ATG10: variants seen among roughly 807,000 people sequenced by gnomAD.
ATG10 encodes ubiquitin-like-conjugating enzyme ATG10.
In ATG10, 30 loss-of-function variants were observed where a neutral mutation model predicts 32.1. The observed-to-expected ratio is 0.94, with a 90% confidence interval of 0.70 to 1.27. ATG10 has a LOEUF of 1.27. ATG10 is among the 50% of genes most tolerant of loss of function. The probability of loss-of-function intolerance (pLI) is 0.00; values close to 1 mark genes in which losing one functional copy is unlikely to be tolerated. For missense variants in ATG10, 233 were observed against 262.3 expected (o/e 0.89, Z 0.77); for synonymous variants, 87 against 91.5 (o/e 0.95, Z 0.28).
At chr5:82,222,630 A>AT (rs1745975414) in intron 5 of ATG10, among the ~76,000 whole-genome samples, 1 of 152,172 alleles carries the variant, frequency 6.6e-6, no homozygotes. Flanking sequence ...TCATATATGT[A>AT]TTTTTTGCCA....
At chr5:82,136,560 C>G (rs1173485814) in intron 3 of ATG10, among the ~76,000 whole-genome samples, 1 of 152,204 alleles carries the variant, frequency 6.6e-6, no homozygotes, top group Non-Finnish European at 1.5e-5. Flanking sequence ...GGTCCCTACT[C>G]TCTTCTGGCT....
intron 5 of ATG10, among the ~76,000 whole-genome samples, chr5:82,210,768 A>G (rs1251259265): frequency 6.6e-6 from 1 of 152,170 alleles, no homozygotes; most frequent in East Asian, 1.9e-4. Context: ...CCCCACCTCA[A>G]GGCACTGAGT....
chr5:81,983,396 C>T (rs1761127825), intron 1 of ATG10, among the ~76,000 whole-genome samples: 1 of 144,502 alleles, frequency 6.9e-6, no homozygotes, highest in South Asian at 2.2e-4. Flanking sequence ...GACGGGGTGG[C>T]TGGCCAGGCG....
At chr5:82,088,908 T>C (rs1764784728) in intron 3 of ATG10, among the ~76,000 whole-genome samples, 1 of 152,180 alleles carries the variant, frequency 6.6e-6, no homozygotes, top group Non-Finnish European at 1.5e-5. Flanking sequence ...TCTAATAAAA[T>C]TCATTGTAGA....
At chr5:82,141,566 C>T (rs1581735960) in intron 3 of ATG10, among the ~76,000 whole-genome samples, 1 of 151,378 alleles carries the variant, frequency 6.6e-6, no homozygotes, top group Admixed American at 6.6e-5. Context: ...TCATAATATA[C>T]CCAGAAAAGA....
chr5:82,024,079 CAT>C (rs141802186), intron 2 of ATG10, among the ~76,000 whole-genome samples: 1,797 of 152,258 alleles, frequency 0.012, 25 homozygotes, highest in African/African-American at 0.042. Flanking sequence ...AAGTAAAAGA[CAT>C]ATATGAGACT....
intron 3 of ATG10, among the ~76,000 whole-genome samples, chr5:82,091,309 A>G (rs1050944847): frequency 2.0e-5 from 3 of 152,104 alleles, no homozygotes; most frequent in African/African-American, 4.8e-5. Context: ...GCTTCAAGCA[A>G]TCCTCCTGCC....
At chr5:82,135,495 A>G (rs889051590) in intron 3 of ATG10, among the ~76,000 whole-genome samples, 1 of 152,226 alleles carries the variant, frequency 6.6e-6, no homozygotes, top group Non-Finnish European at 1.5e-5. Context: ...CCCAGTGGTC[A>G]TTCAGGAACA....
At chr5:81,974,242 T>C (rs1253515980) in intron 1 of ATG10, among the ~76,000 whole-genome samples, 4 of 152,112 alleles carry the variant, frequency 2.6e-5, no homozygotes, top group Non-Finnish European at 2.9e-5. Flanking sequence ...CATTTGGTGA[T>C]TATCTATTGA....
intron 2 of ATG10, among the ~76,000 whole-genome samples, chr5:82,038,362 G>A (rs1447562544): frequency 6.6e-6 from 1 of 152,216 alleles, no homozygotes; most frequent in Non-Finnish European, 1.5e-5. Flanking sequence ...TGGCCCCATA[G>A]TGTTTACTAC....
chr5:82,160,118 A>G lies in ATG10; in HGVS notation c.217-4281A>G, dbSNP rs1458363722. On this transcript the variant is annotated intron_variant, in intron 3 of 7. Transcript: ENST00000282185. ...TGTGTAGGCTTACATATCCACCACC[A>G]TGGTCAAGATACAGAATAGTTCCAT... Among the ~76,000 whole-genome samples, 7 of 152,266 alleles carry G rather than the reference A, an allele frequency of 4.6e-5. No individual in the cohort carries two copies. The East Asian group carries it at 1.2e-3, about 25-fold the overall frequency.
intron 6 of ATG10, 195 bp downstream of exon 6, chr5:82,252,854 T>C (rs1353183871): frequency 7.5e-6 from 4 of 531,840 alleles, no homozygotes; most frequent in Non-Finnish European, 1.3e-5. Flanking sequence ...GCAGCATTCC[T>C]ATGTGCTAAG....
At chr5:82,005,752 T>A (rs915611056) in intron 2 of ATG10, among the ~76,000 whole-genome samples, 11 of 152,214 alleles carry the variant, frequency 7.2e-5, no homozygotes, top group African/African-American at 2.7e-4. Context: ...CTATAGATTT[T>A]CAGCTTCCTT....
At chr5:82,034,041 A>G (rs1762831917) in intron 2 of ATG10, among the ~76,000 whole-genome samples, 1 of 148,826 alleles carries the variant, frequency 6.7e-6, no homozygotes, top group Non-Finnish European at 1.5e-5. Context: ...AATATACACT[A>G]TATATATTGT....
intron 5 of ATG10, among the ~76,000 whole-genome samples, chr5:82,246,071 CT>C (rs11340753): frequency 0.57 from 70,719 of 124,924 alleles, 17,667 homozygotes; most frequent in East Asian, 0.81. Context: ...TAATACTGAC[CT>C]TTTTTTTTTT....
intron 5 of ATG10, among the ~76,000 whole-genome samples, chr5:82,204,461 C>T (rs10065463): frequency 0.54 from 81,331 of 151,898 alleles, 23,437 homozygotes; most frequent in East Asian, 0.9. Flanking sequence ...ATAGTAATTG[C>T]GAGGTTAGCA....
intron 3 of ATG10, among the ~76,000 whole-genome samples, chr5:82,102,619 A>G (rs921241832): frequency 2.0e-5 from 3 of 152,204 alleles, no homozygotes; most frequent in Admixed American, 2.0e-4. Flanking sequence ...AATGGCAAAC[A>G]CTGTTGAGTT....
rs577047024 is a variant in ATG10 at position 82,129,315 on chromosome 5, A to G, written c.217-35084A>G. 1.2e-3 allele frequency among the ~76,000 whole-genome samples: 175 copies of G among 151,854 alleles called. 2 individuals are homozygous for G. The highest frequency in any genetic ancestry group is 2.3e-3 in the Admixed American group (35 of 15,226). ...ATGCTCCTTTAGCTTGTAGGAGTTT[A>G]TTACCCACCTTCTGAAGCCTACTTC... is the stretch of plus-strand genomic sequence containing the variant. On this transcript the variant is annotated intron_variant, in intron 3 of 7. Transcript: ENST00000282185.
intron 1 of ATG10, among the ~76,000 whole-genome samples, chr5:81,974,983 G>A (rs1043020774): frequency 6.6e-6 from 1 of 151,968 alleles, no homozygotes; most frequent in South Asian, 2.1e-4. Context: ...TCTAACTACT[G>A]TAGGGCCCAG....
Sources: allele counts gnomAD v4.1 joint callset (sites outside exome capture counted in the v4.1 genomes callset), GRCh38; gene constraint gnomAD v4.1.1; transcripts MANE v1.5; gene names NCBI Gene and HGNC (gene_info 2026-07-23, HGNC 2026-07-21).